Variants in STXBP5L observed in about 807,000 individuals in gnomAD.
STXBP5L encodes syntaxin binding protein 5L, also known as syntaxin-binding protein 5-like.
In STXBP5L, 65 loss-of-function variants were observed where a neutral mutation model predicts 144.5. The ratio of observed to expected loss-of-function variants is 0.45; its 90% confidence interval spans 0.37 to 0.55. The LOEUF is 0.55. Ranked by LOEUF, STXBP5L falls within the 20% of genes least tolerant of loss-of-function variation. STXBP5L has a pLI of 0.00. For synonymous variants in STXBP5L, 505 were observed against 469.6 expected, an observed-to-expected ratio of 1.08 and a Z score of -0.97; for missense variants, 1,298 against 1,405.5, an observed-to-expected ratio of 0.92 and a Z score of 1.22.
intron 2 of STXBP5L, among the ~76,000 whole-genome samples, chr3:120,926,937 CTTTTT>C (rs59336376): frequency 2.2e-5 from 3 of 134,084 alleles, no homozygotes; most frequent in African/African-American, 8.2e-5. Flanking sequence ...TCTTTCCTTT[CTTTTT>C]TTTTTTTTTT....
intron 3 of STXBP5L, among the ~76,000 whole-genome samples, chr3:121,019,822 A>C (rs1945415660): frequency 6.6e-6 from 1 of 152,200 alleles, no homozygotes; most frequent in Non-Finnish European, 1.5e-5. Flanking sequence ...CCCAAATGAG[A>C]AGAAACTGGA....
At chr3:121,011,560 A>G (rs1359568787) in intron 3 of STXBP5L, among the ~76,000 whole-genome samples, 3 of 151,630 alleles carry the variant, frequency 2.0e-5, no homozygotes, top group Admixed American at 6.6e-5. Flanking sequence ...CCTGCTTACC[A>G]TTATAGCTAA....
chr3:121,251,541 T>C (rs2050025978), intron 15 of STXBP5L, among the ~76,000 whole-genome samples: 1 of 152,162 alleles, frequency 6.6e-6, no homozygotes. Context: ...TAACAGTGAC[T>C]CTAAGTTTCT....
At chr3:121,312,641 G>C (rs1415756452) in intron 19 of STXBP5L, among the ~76,000 whole-genome samples, 1 of 150,938 alleles carries the variant, frequency 6.6e-6, no homozygotes, top group African/African-American at 2.4e-5. Flanking sequence ...GGTACTTAAA[G>C]ATTAGGGAGT....
At chr3:121,315,864 T>A (rs1407216327) in intron 19 of STXBP5L, among the ~76,000 whole-genome samples, 1 of 151,906 alleles carries the variant, frequency 6.6e-6, no homozygotes, top group Non-Finnish European at 1.5e-5. Flanking sequence ...TAGCTGGGCT[T>A]GGTGGCACAC....
At chr3:121,012,773 A>G (rs1944876931) in intron 3 of STXBP5L, among the ~76,000 whole-genome samples, 1 of 151,768 alleles carries the variant, frequency 6.6e-6, no homozygotes. Flanking sequence ...TGGGCTTCTA[A>G]TGATCCCATC....
At chr3:121,319,194 G>GTA (rs2043889370) in intron 20 of STXBP5L, among the ~76,000 whole-genome samples, 1 of 151,992 alleles carries the variant, frequency 6.6e-6, no homozygotes, top group Non-Finnish European at 1.5e-5. Context: ...TTTCTATAAT[G>GTA]TATATATAGT....
intron 19 of STXBP5L, among the ~76,000 whole-genome samples, chr3:121,304,401 C>T (rs1271205399): frequency 6.6e-6 from 1 of 152,114 alleles, no homozygotes; most frequent in African/African-American, 2.4e-5. Flanking sequence ...TACACACCTA[C>T]ACAATGCAAT....
chr3:121,096,214 G>A (rs2043120609), intron 5 of STXBP5L, among the ~76,000 whole-genome samples: 1 of 152,116 alleles, frequency 6.6e-6, no homozygotes. Flanking sequence ...TTGTGGACTG[G>A]AGCTGTTCAT....
chr3:121,415,879 C>T lies in STXBP5L; in HGVS notation c.3137C>T (p.Thr1046Ile), dbSNP rs1157927558. ...CAGGACATGCTAGGAGATTTGTTTA[C>T]TCCCATAGAGACACCAGAAGCTCAA... ...NLQDMLGDLF[T>I]PIETPEAQNR... The change falls in exon 25 of 27, where the codon ACT becomes ATT. Residue 1046 changes from threonine to isoleucine, a missense_variant. Coordinates refer to ENST00000471454, the MANE Select transcript of STXBP5L (RefSeq NM_001308330.2). The T allele has an allele frequency of 6.2e-7, 1 of 1,607,538 alleles. No homozygotes were observed. Among genetic ancestry groups the T allele is most frequent in the Non-Finnish European group, 8.5e-7 (1 of 1,176,444 alleles).
intron 9 of STXBP5L, among the ~76,000 whole-genome samples, chr3:121,178,874 A>G (rs1181878249): frequency 6.6e-6 from 1 of 152,130 alleles, no homozygotes; most frequent in Non-Finnish European, 1.5e-5. Flanking sequence ...AGCCAGCAGA[A>G]TTAGGGAAGA....
intron 3 of STXBP5L, among the ~76,000 whole-genome samples, chr3:120,979,607 G>T (rs956631274): frequency 1.3e-5 from 2 of 152,142 alleles, no homozygotes; most frequent in Non-Finnish European, 2.9e-5. Context: ...CGGTACCTCC[G>T]ATGGAAATGC....
intron 3 of STXBP5L, among the ~76,000 whole-genome samples, chr3:120,993,228 A>T (rs1943067756): frequency 6.6e-6 from 1 of 152,126 alleles, no homozygotes; most frequent in Non-Finnish European, 1.5e-5. Flanking sequence ...TTAGATGGAT[A>T]GTTTGCAAAT....
At chr3:121,223,545 A>G (rs753032183) in intron 11 of STXBP5L, among the ~76,000 whole-genome samples, 1 of 152,090 alleles carries the variant, frequency 6.6e-6, no homozygotes, top group Non-Finnish European at 1.5e-5. Flanking sequence ...GATATCAGTA[A>G]TCTGTAACTG....
At chr3:121,121,594 T>G in intron 6 of STXBP5L, 47 bp from the exon 7 acceptor site, 1 of 1,335,108 alleles carries the variant, frequency 7.5e-7, no homozygotes, top group Non-Finnish European at 1.1e-6. Context: ...AGTGGTAAGG[T>G]ATTTTAATGT....
chr3:121,162,976 G>A (rs1051025457), intron 9 of STXBP5L, among the ~76,000 whole-genome samples: 2 of 152,142 alleles, frequency 1.3e-5, no homozygotes, highest in African/African-American at 4.8e-5. Context: ...GTTGGTGGGA[G>A]TGTAAATTAG....
chr3:121,318,361 A>T (rs901877490), intron 19 of STXBP5L, 114 bp from the exon 20 acceptor site: 11 of 566,842 alleles, frequency 1.9e-5, no homozygotes, highest in Admixed American at 1.1e-4. Context: ...CTTGGACATG[A>T]TAAAGTAGTT....
At chr3:120,937,910 TA>T (rs919078108) in intron 2 of STXBP5L, among the ~76,000 whole-genome samples, 3 of 152,158 alleles carry the variant, frequency 2.0e-5, no homozygotes, top group African/African-American at 7.2e-5. Context: ...GGCATAAGTT[TA>T]ACCTTTTAAT....
At chr3:121,350,583 C>T (rs2045235826) in intron 20 of STXBP5L, among the ~76,000 whole-genome samples, 1 of 152,164 alleles carries the variant, frequency 6.6e-6, no homozygotes, top group Non-Finnish European at 1.5e-5. Flanking sequence ...CTCCCCGTCA[C>T]TTTCAGGTAC....
Sources: allele counts gnomAD v4.1 joint callset (sites outside exome capture counted in the v4.1 genomes callset), GRCh38; gene constraint gnomAD v4.1.1; transcripts MANE v1.5; gene names NCBI Gene and HGNC (gene_info 2026-07-23, HGNC 2026-07-21).